The following MFSD8 variants were observed in gnomAD, a reference collection of about 807,000 sequenced individuals.
MFSD8 encodes the protein major facilitator superfamily domain containing 8, also known as major facilitator superfamily domain-containing protein 8.
MFSD8 carries 55 observed loss-of-function variants against 66.4 expected under a neutral mutation model. The ratio of observed to expected loss-of-function variants is 0.83; its 90% confidence interval spans 0.67 to 1.04. MFSD8 has a LOEUF of 1.04. Among genes scored for constraint, MFSD8 ranks in the 50% least tolerant of loss-of-function variants. The pLI is 0.00. For synonymous variants in MFSD8, 202 were observed against 212.8 expected (o/e 0.95, Z 0.44); for missense variants, 550 against 627.6 (o/e 0.88, Z 1.32).
chr4:127,965,248 G>T, upstream of MFSD8: 1 of 1,350,756 alleles, frequency 7.4e-7, no homozygotes, highest in Non-Finnish European at 1.0e-6. Flanking sequence ...CGCACCTGAC[G>T]GTCAGACGTA....
chr4:127,943,090 G>A (rs1242738430), intron 4 of MFSD8, among the ~76,000 whole-genome samples: 11 of 151,994 alleles, frequency 7.2e-5, no homozygotes, highest in Non-Finnish European at 1.6e-4. Context: ...AGTGGCAGAC[G>A]CCTGTAATCC....
intron 2 of MFSD8, among the ~76,000 whole-genome samples, chr4:127,956,016 G>A (rs1417501606): frequency 6.6e-6 from 1 of 151,974 alleles, no homozygotes; most frequent in Non-Finnish European, 1.5e-5. Context: ...CTACTCGGGA[G>A]GCTAAGGCAC....
At chr4:127,935,251 T>C (rs571313129) in intron 7 of MFSD8, among the ~76,000 whole-genome samples, 1 of 152,326 alleles carries the variant, frequency 6.6e-6, no homozygotes, top group East Asian at 1.9e-4. Flanking sequence ...AATCACCACC[T>C]AGAAGTCAGT....
intron 7 of MFSD8, among the ~76,000 whole-genome samples, chr4:127,933,910 G>A (rs1316209532): frequency 6.6e-6 from 1 of 152,020 alleles, no homozygotes; most frequent in Non-Finnish European, 1.5e-5. Context: ...TAGTACTCAT[G>A]GCCAGGAGTG....
upstream of MFSD8, chr4:127,965,499 A>G: frequency 2.7e-6 from 1 of 376,010 alleles, no homozygotes. Flanking sequence ...AGGTTACCGG[A>G]GCTGCGATTG....
In MFSD8 at chr4:127,920,809, A is replaced by G. The variant is rs997240488; in HGVS notation, c.1378T>C (p.Ser460Pro). ...CCAAGAATCCGGGCTCCACTTCCAG[A>G]TGCTGTTAACCAGCCCATGTATACA... ...QGVYMGWLTA[S>P]GSGARILGPM... is the part of the protein sequence containing the mutation. Residue 460 changes from serine to proline, a missense_variant, in exon 12 of 12, where the codon TCT becomes CCT. Ser to Pro is a moderately conservative substitution (Grantham distance 74). Coordinates refer to ENST00000641686, the MANE Select transcript of MFSD8 (RefSeq NM_001371596.2). 1.3e-5 allele frequency: 21 copies of G among 1,613,950 alleles called. No homozygotes were observed. Among genetic ancestry groups the G allele is most frequent in the Non-Finnish European group, 1.7e-5 (20 of 1,180,008 alleles).
At chr4:127,930,656 A>G in intron 9 of MFSD8, 27 bp downstream of exon 9, 1 of 1,612,262 alleles carries the variant, frequency 6.2e-7, no homozygotes, top group East Asian at 2.2e-5. Context: ...TTAAAAACAG[A>G]CATAAAACCA....
At chr4:127,954,080 A>G (rs1269282310) in intron 2 of MFSD8, among the ~76,000 whole-genome samples, 1 of 152,202 alleles carries the variant, frequency 6.6e-6, no homozygotes, top group African/African-American at 2.4e-5. Context: ...TTCCTAAAAC[A>G]GTCCTTTAAA....
chr4:127,942,192 G>T, intron 4 of MFSD8, 34 bp from the exon 5 acceptor site: 1 of 1,498,344 alleles, frequency 6.7e-7, no homozygotes, highest in Non-Finnish European at 9.3e-7. Flanking sequence ...CAAAGTAAAA[G>T]AAAGTATCAT....
Position 127,920,482 on chromosome 4 carries a change from C to CTCTGT in MFSD8, c.*143_*147dup. 4 of 763,868 alleles carry CTCTGT rather than the reference C, an allele frequency of 5.2e-6. No homozygotes were observed. The highest frequency in any genetic ancestry group is 6.9e-6 in the Non-Finnish European group (3 of 435,944). The allele number at this position is 763,868 out of a possible 1,614,324, so 47.3% of individuals were successfully genotyped here. A position where few individuals can be genotyped will look rare whatever the true frequency, so the allele number is the denominator to read the frequency against. ...TATTCACAATGACATGTAGAATTCT[C>CTCTGT]TCTGTTATTCAACATATGTTCTTGT... On this transcript the variant is annotated 3_prime_UTR_variant, in exon 12 of 12. Transcript: ENST00000641686.
At chr4:127,947,875 C>A (rs1049662927) in intron 3 of MFSD8, among the ~76,000 whole-genome samples, 2 of 148,230 alleles carry the variant, frequency 1.3e-5, no homozygotes, top group Admixed American at 1.4e-4. Flanking sequence ...CACACACACA[C>A]ACACACACAC....
intron 2 of MFSD8, 128 bp downstream of exon 2, chr4:127,957,372 TA>T (rs1743064219): frequency 2.8e-6 from 2 of 707,002 alleles, no homozygotes; most frequent in Non-Finnish European, 4.9e-6. Context: ...GGTAACACGG[TA>T]AATTTATGTC....
intron 7 of MFSD8, chr4:127,933,748 C>T (rs1225679770): frequency 1.3e-5 from 2 of 152,134 alleles, no homozygotes; most frequent in Admixed American, 6.6e-5. Flanking sequence ...AATATATTTG[C>T]TTTAAATTTC....
In MFSD8 at chr4:127,918,270, T is replaced by C. The variant is rs1238691371; in HGVS notation, c.*2360A>G. On this transcript the variant is annotated 3_prime_UTR_variant, in exon 12 of 12. Coordinates refer to ENST00000641686, the MANE Select transcript of MFSD8 (RefSeq NM_001371596.2). The stretch of plus-strand genomic sequence containing the variant: ...AAGACATCAACATGGTGATTTTTTT[T>C]CCTCAAACTTTATCTCCTTGCTCTT... The C allele has an allele frequency of 2.0e-5, 3 of 152,228 alleles. No individual in the cohort carries two copies. The highest frequency in any genetic ancestry group is 4.4e-5 in the Non-Finnish European group (3 of 68,044). 9.4% of individuals were successfully genotyped at this position (152,228 alleles called of 1,614,324 possible).
chr4:127,939,082 CT>C, intron 6 of MFSD8: 1 of 317,496 alleles, frequency 3.1e-6, no homozygotes. Flanking sequence ...CATACATGAT[CT>C]ACTTTAGTAT....
intron 2 of MFSD8, among the ~76,000 whole-genome samples, chr4:127,953,930 G>A (rs1213819432): frequency 1.3e-5 from 2 of 152,094 alleles, no homozygotes; most frequent in African/African-American, 2.4e-5. Context: ...AGGATGATTG[G>A]GGTAAATAGA....
chr4:127,933,120 A>G (rs1738440481), intron 7 of MFSD8, 27 bp from the exon 8 acceptor site: 1 of 1,530,202 alleles, frequency 6.5e-7, no homozygotes, highest in Non-Finnish European at 9.1e-7. Context: ...GAAAAATTAC[A>G]TTACCTATAC....
intron 1 of MFSD8, among the ~76,000 whole-genome samples, chr4:127,958,141 C>T (rs1381469601): frequency 6.6e-6 from 1 of 152,118 alleles, no homozygotes; most frequent in Admixed American, 6.5e-5. Context: ...AAATGGGTTA[C>T]CAGATAAATT....
intron 3 of MFSD8, among the ~76,000 whole-genome samples, chr4:127,947,704 A>C (rs1741289478): frequency 6.6e-6 from 1 of 152,118 alleles, no homozygotes; most frequent in South Asian, 2.1e-4. Flanking sequence ...AAAGATGGAG[A>C]GAGGAAAAGC....
Sources: allele counts gnomAD v4.1 joint callset (sites outside exome capture counted in the v4.1 genomes callset), GRCh38; gene constraint gnomAD v4.1.1; transcripts MANE v1.5; gene names NCBI Gene and HGNC (gene_info 2026-07-23, HGNC 2026-07-21).